The following VAV1 variants were observed in gnomAD, a reference collection of about 807,000 sequenced individuals.
VAV1 encodes the protein vav guanine nucleotide exchange factor 1.
Under a neutral mutation model 128.1 loss-of-function variants are expected in VAV1, and 33 were observed. The ratio of observed to expected loss-of-function variants is 0.26; its 90% CI spans 0.20 to 0.34. The LOEUF is 0.34. Among genes scored for constraint, VAV1 ranks in the 10% least tolerant of loss-of-function variants. VAV1 has a pLI of 1.00. For synonymous variants in VAV1, 394 were observed against 409.8 expected (o/e 0.96, Z 0.47); for missense variants, 715 against 1,093.7 (o/e 0.65, Z 4.88).
chr19:6,787,571 C>CAGATTTATTTATTT (rs1970921224), intron 1 of VAV1, among the ~76,000 whole-genome samples: 1 of 140,578 alleles, frequency 7.1e-6, no homozygotes, highest in Non-Finnish European at 1.5e-5. Context: ...CCAACTACTC[C>CAGATTTATTTATTT]AGATTTATTT....
chr19:6,816,727 G>T (rs1971664374), intron 1 of VAV1, among the ~76,000 whole-genome samples: 1 of 151,872 alleles, frequency 6.6e-6, no homozygotes, highest in African/African-American at 2.4e-5. Flanking sequence ...CACTTTGGGA[G>T]GCCGAGGCAG....
chr19:6,827,508 C>T (rs1480189774), intron 9 of VAV1, among the ~76,000 whole-genome samples: 1 of 152,116 alleles, frequency 6.6e-6, no homozygotes, highest in East Asian at 1.9e-4. Context: ...CTCCTGGGCT[C>T]AAGCGACTCA....
At chr19:6,803,241 A>G (rs187639334) in intron 1 of VAV1, among the ~76,000 whole-genome samples, 10 of 152,312 alleles carry the variant, frequency 6.6e-5, no homozygotes, top group Non-Finnish European at 1.2e-4. Context: ...AGCCCGGAGT[A>G]ATCAGGGTTG....
intron 21 of VAV1, among the ~76,000 whole-genome samples, chr19:6,842,709 C>T (rs1197778962): frequency 4.6e-5 from 7 of 152,002 alleles, no homozygotes; most frequent in African/African-American, 1.7e-4. Context: ...GTGGTGCGTA[C>T]CTGTAGTCCC....
At chr19:6,832,512 T>C (rs776184158) in intron 15 of VAV1, among the ~76,000 whole-genome samples, 4 of 145,194 alleles carry the variant, frequency 2.8e-5, no homozygotes, top group Non-Finnish European at 6.1e-5. Context: ...TCTCCTTTCC[T>C]CCTCCTCTTT....
rs1206300296 is a variant in VAV1 at position 6,826,594 on chromosome 19, C to T, written c.828-18C>T. 1 of 1,545,594 alleles carries T rather than the reference C, an allele frequency of 6.5e-7. No individual in the cohort carries two copies. On this transcript the variant is annotated intron_variant, in intron 8 of 26. Transcript: ENST00000602142. This position sits in a 1 kb window ranked among gnomAD's most constrained non-coding sequence, Gnocchi z 4.1. ...GATGCCAGTCACCTTTACCTGGTGG[C>T]CTGTCTTCTCCCTGTAGGTTCCTCG...
intron 1 of VAV1, among the ~76,000 whole-genome samples, chr19:6,798,659 T>TC (rs113208165): frequency 0.025 from 3,603 of 145,294 alleles, 135 homozygotes; most frequent in African/African-American, 0.086. Context: ...TTTCTCCCCT[T>TC]CCCCCCCCCA....
intron 1 of VAV1, among the ~76,000 whole-genome samples, chr19:6,787,137 C>A (rs1970911377): frequency 6.6e-6 from 1 of 151,546 alleles, no homozygotes; most frequent in Non-Finnish European, 1.5e-5. Context: ...TCCTCCCCAC[C>A]CTTGGTCTTT....
In VAV1 at chr19:6,853,072, G is replaced by T; in HGVS notation, c.2325G>T (p.Arg775Ser). 1 of 1,610,816 alleles carries T rather than the reference G, an allele frequency of 6.2e-7. No individual in the cohort carries two copies. Among genetic ancestry groups the T allele is most frequent in the Non-Finnish European group, 8.5e-7 (1 of 1,177,954 alleles). ...FKEPEKRTIS[R>S]PAVGSTKYFG... ...AGCCTGAAAAGAGAACCATCAGCAG[G>T]CCAGCAGGTAGGAGGTCTCAGACTG... Residue 775 changes from arginine (R) to serine (S), a missense_variant, in exon 25 of 27, where the codon AGG (arginine) becomes AGT (serine). Arg to Ser is a moderately radical substitution (Grantham distance 110). This residue lies in a region of VAV1 where 407 missense variants were observed against 580.6 expected (regional missense o/e 0.70). Coordinates refer to ENST00000602142, the MANE Select transcript of VAV1 (RefSeq NM_005428.4).
At chr19:6,812,091 A>G (rs374119) in intron 1 of VAV1, among the ~76,000 whole-genome samples, 16,013 of 152,238 alleles carry the variant, frequency 0.11, 1,575 homozygotes, top group African/African-American at 0.26. Flanking sequence ...GACTGCATCC[A>G]CATGCAAGGA....
chr19:6,775,155 G>A (rs751763871), intron 1 of VAV1, among the ~76,000 whole-genome samples: 8 of 152,052 alleles, frequency 5.3e-5, no homozygotes, highest in Non-Finnish European at 1.0e-4. Context: ...ACCAACCTAA[G>A]CATCCATCCT....
chr19:6,772,953 A>G lies in VAV1; in HGVS notation c.146A>G (p.Asn49Ser), dbSNP rs1371201347. Residue 49 changes from asparagine (N) to serine (S), a missense_variant, in exon 1 of 27, where the codon AAC becomes AGC. Coordinates refer to ENST00000602142, the MANE Select transcript of VAV1 (RefSeq NM_005428.4). The surrounding 1 kb of genome is among the most constrained non-coding windows in gnomAD (Gnocchi z 4.8). ...GTCCTTCTGTGTCAGCTGCTTAACA[A>G]CCTGCTACCCCATGCCATCAACCTG... Reference protein sequence around the residue: ...DGVLLCQLLNNLLPHAINLRE... With the variant: ...DGVLLCQLLNSLLPHAINLRE... The G allele has an allele frequency of 6.2e-7, 1 of 1,613,846 alleles. No homozygotes were observed. The highest frequency in any genetic ancestry group is 8.5e-7 in the Non-Finnish European group (1 of 1,179,980).
intron 1 of VAV1, among the ~76,000 whole-genome samples, chr19:6,789,594 T>TC (rs1386101590): frequency 7.0e-6 from 1 of 143,244 alleles, no homozygotes; most frequent in African/African-American, 3.0e-5. Context: ...TTTCTTTCCC[T>TC]CCTTCCTTCC....
At position 6,828,861 on chromosome 19, in the gene VAV1, T is replaced by G; in HGVS notation, c.1226T>G (p.Leu409Arg). 6.2e-7 allele frequency: 1 copy of G among 1,613,960 alleles called. No individual in the cohort carries two copies. ...GGCCGGCCCAAGATCGACGGGGAACTCAAGATCACCTCGGTGGAACGGCGC... is the reference window on the plus strand; with the variant it reads ...GGCCGGCCCAAGATCGACGGGGAACGCAAGATCACCTCGGTGGAACGGCGC... ...HYGRPKIDGE[L>R]KITSVERRSK... Residue 409 changes from leucine (L) to arginine (R), a missense_variant, in exon 13 of 27, where the codon CTC (leucine) becomes CGC (arginine). Around this residue, in one of 3 missense-constraint regions of VAV1, gnomAD observed 407 missense variants for 580.6 expected, o/e 0.70. Coordinates refer to ENST00000602142, the MANE Select transcript of VAV1 (RefSeq NM_005428.4). The surrounding 1 kb of genome is among the most constrained non-coding windows in gnomAD (Gnocchi z 4.5).
chr19:6,813,845 G>A (rs903283772), intron 1 of VAV1, among the ~76,000 whole-genome samples: 2 of 152,048 alleles, frequency 1.3e-5, no homozygotes, highest in African/African-American at 2.4e-5. Context: ...CTTGAGGCCA[G>A]GAGTTGAAGA....
At chr19:6,854,162 GGAA>G in intron 26 of VAV1, 64 bp downstream of exon 26, 4 of 1,580,162 alleles carry the variant, frequency 2.5e-6, no homozygotes, top group Non-Finnish European at 3.4e-6. Flanking sequence ...GGACGAGACT[GGAA>G]CTGGGGACTG....
chr19:6,796,390 G>A (rs1419261193), intron 1 of VAV1, among the ~76,000 whole-genome samples: 5 of 152,026 alleles, frequency 3.3e-5, no homozygotes, highest in Non-Finnish European at 7.4e-5. Flanking sequence ...ACATGGCCAC[G>A]GTTTGGGCAT....
At chr19:6,776,163 T>C (rs200372510) in intron 1 of VAV1, among the ~76,000 whole-genome samples, 2 of 2,068 alleles carry the variant, frequency 9.7e-4, no homozygotes, top group Non-Finnish European at 1.7e-3. Context: ...TATCCACCCA[T>C]CCATCCATCC....
At chr19:6,847,201 A>T (rs993528635) in intron 22 of VAV1, among the ~76,000 whole-genome samples, 1 of 152,052 alleles carries the variant, frequency 6.6e-6, no homozygotes, top group African/African-American at 2.4e-5. Flanking sequence ...CGTGAGCCAC[A>T]GCGCCCAGCC....
Sources: allele counts gnomAD v4.1 joint callset (sites outside exome capture counted in the v4.1 genomes callset), GRCh38; gene constraint gnomAD v4.1.1; regional missense constraint gnomAD v4.1.1; non-coding constraint Gnocchi (gnomAD v3.1); transcripts MANE v1.5; gene names NCBI Gene and HGNC (gene_info 2026-07-23, HGNC 2026-07-21).